HOGA1: variants seen among roughly 807,000 people sequenced by gnomAD.
HOGA1 encodes the protein 4-hydroxy-2-oxoglutarate aldolase, mitochondrial.
Under a neutral mutation model 34.3 loss-of-function variants are expected in HOGA1, and 30 were observed. The ratio of observed to expected loss-of-function variants is 0.87; its 90% CI spans 0.65 to 1.19. The LOEUF is 1.19. Among genes scored for constraint, HOGA1 ranks in the 50% most tolerant of loss-of-function variants. The pLI, the probability that HOGA1 is intolerant of heterozygous loss-of-function variation, is 0.00. For missense variants in HOGA1, 417 were observed against 436.5 expected (o/e 0.96, Z 0.40); for synonymous variants, 161 against 174.0 (o/e 0.93, Z 0.59).
In HOGA1 at chr10:97,602,038, T is replaced by A. The variant is rs978706868; in HGVS notation, c.834+48T>A. 1.1e-5 allele frequency: 18 copies of A among 1,579,100 alleles called. No individual in the cohort carries two copies. In the African/African-American group the frequency reaches 1.6e-4, roughly 14 times the overall value. On this transcript the variant is annotated intron_variant, in intron 6 of 6. Coordinates refer to ENST00000370646, the MANE Select transcript of HOGA1 (RefSeq NM_138413.4). Reference sequence around the variant, plus strand: ...GCGGCCTGGCGGGGGGTGGGCAGTCTGTGTCCTCATTGGAGCAGGACCCAG... The same window carrying A: ...GCGGCCTGGCGGGGGGTGGGCAGTCAGTGTCCTCATTGGAGCAGGACCCAG...
chr10:97,609,331 C>G (rs956351203), intron 6 of HOGA1, among the ~76,000 whole-genome samples: 4 of 152,152 alleles, frequency 2.6e-5, no homozygotes, highest in Non-Finnish European at 5.9e-5. Flanking sequence ...TGGGACGTCT[C>G]TATGGGGTAG....
rs1442466186 is a variant in HOGA1, at chr10:97,599,983, G to A, written c.604-84G>A. ...TCTTGAGGGCATCTCTTTGAGCACT[G>A]GGCTTTCATTCCACCACACTTACCC... On this transcript the variant is annotated intron_variant, in intron 4 of 6. Transcript: ENST00000370646. The A allele has an allele frequency of 1.6e-5, 24 of 1,489,174 alleles. No individual in the cohort carries two copies. In the South Asian group the frequency reaches 2.3e-4, roughly 14 times the overall value. The allele number at this position is 1,489,174 out of a possible 1,614,324, so 92.2% of individuals were successfully genotyped here.
chr10:97,606,886 A>G (rs1469808385), intron 6 of HOGA1, among the ~76,000 whole-genome samples: 1 of 152,114 alleles, frequency 6.6e-6, no homozygotes, highest in Non-Finnish European at 1.5e-5. Context: ...AACATGGTAC[A>G]TTTCTCTGTT....
rs267606762 is a variant in HOGA1, at chr10:97,598,852, C to T, written c.289C>T (p.Arg97Cys). The change falls in exon 2 of 7, where the codon CGC (arginine) becomes TGC (cysteine). Residue 97 changes from arginine (R) to cysteine (C), a missense_variant. Coordinates refer to ENST00000370646, the MANE Select transcript of HOGA1 (RefSeq NM_138413.4). Reference sequence around the variant, plus strand: ...GCGCCTCGAGGTGGTGAGCCGTGTGCGCCAGGCCATGCCCAAGAACAGGCT... The same window carrying T: ...GCGCCTCGAGGTGGTGAGCCGTGTGTGCCAGGCCATGCCCAAGAACAGGCT... Reference protein sequence around the residue: ...SERLEVVSRVRQAMPKNRLLL... With the variant: ...SERLEVVSRVCQAMPKNRLLL... 3.7e-5 allele frequency: 60 copies of T among 1,613,990 alleles called. No homozygotes were observed. In the Middle Eastern group the frequency reaches 4.9e-4, roughly 13 times the overall value.
chr10:97,611,081 G>A (rs2041191717), intron 6 of HOGA1, among the ~76,000 whole-genome samples: 1 of 152,174 alleles, frequency 6.6e-6, no homozygotes, highest in African/African-American at 2.4e-5. Flanking sequence ...TCTGGGCTGT[G>A]CCTGAGACTC....
rs1024150208 is a variant in HOGA1, at chr10:97,611,800, C to T, written c.*141C>T. The T allele has an allele frequency of 1.1e-5, 11 of 1,031,430 alleles. No individual in the cohort carries two copies. Among genetic ancestry groups the T allele is most frequent in the South Asian group, 2.9e-5 (2 of 68,518 alleles). 63.9% of individuals were successfully genotyped at this position (1,031,430 alleles called of 1,614,324 possible). On this transcript the variant is annotated 3_prime_UTR_variant, in exon 7 of 7. Transcript: ENST00000370646. ...GGCTCCTTTGCCTGCTGTGGTCCTC[C>T]AGGCAGCCTTTCACAGGCACGCCCA...
At chr10:97,593,597 G>T (rs1279999131) in intron 1 of HOGA1, among the ~76,000 whole-genome samples, 1 of 152,120 alleles carries the variant, frequency 6.6e-6, no homozygotes, top group Non-Finnish European at 1.5e-5. Flanking sequence ...AAAAAACTTT[G>T]GCCGCAGACC....
intron 1 of HOGA1, among the ~76,000 whole-genome samples, chr10:97,593,145 G>A (rs1002691781): frequency 6.6e-6 from 1 of 152,066 alleles, no homozygotes; most frequent in African/African-American, 2.4e-5. Context: ...TGGCTGGGAG[G>A]GTGGCTAATT....
In HOGA1 at chr10:97,599,710, C is replaced by T. The variant is rs748079911; in HGVS notation, c.499C>T (p.Leu167=). 1 of 1,614,178 alleles carries T rather than the reference C, an allele frequency of 6.2e-7. No individual in the cohort carries two copies. The highest frequency in any genetic ancestry group is 8.5e-7 in the Non-Finnish European group (1 of 1,180,034). Reference sequence around the variant, plus strand: ...TGATCTCTCTCCAATCCCTGTGGTGCTGTACAGTGTCCCAGCCAACACAGG... The same window carrying T: ...TGATCTCTCTCCAATCCCTGTGGTGTTGTACAGTGTCCCAGCCAACACAGG... ...VADLSPIPVV[L]YSVPANTGLD... The change falls in exon 4 of 7, where the codon CTG becomes TTG. Residue 167 remains leucine (L), a synonymous_variant. Transcript: ENST00000370646.
At chr10:97,605,564 G>A (rs1251244976) in intron 6 of HOGA1, among the ~76,000 whole-genome samples, 3 of 152,122 alleles carry the variant, frequency 2.0e-5, no homozygotes, top group Non-Finnish European at 4.4e-5. Context: ...TTTTTCTGCA[G>A]CTTTGCCAGC....
At chr10:97,593,678 T>A (rs1009515584) in intron 1 of HOGA1, among the ~76,000 whole-genome samples, 2 of 152,100 alleles carry the variant, frequency 1.3e-5, no homozygotes, top group Non-Finnish European at 2.9e-5. Flanking sequence ...TCAACACCTA[T>A]GCTAGGCACC....
In HOGA1 at chr10:97,603,442, G is replaced by A. The variant is rs2041134782; in HGVS notation, c.834+1452G>A. Among the ~76,000 whole-genome samples the A allele has an allele frequency of 6.6e-6, 1 of 151,826 alleles. No individual in the cohort carries two copies. The highest frequency in any genetic ancestry group is 1.5e-5 in the Non-Finnish European group (1 of 67,982). Reference sequence around the variant, plus strand: ...GGGGTCTCACTATGTTGCCTAGGCTGGTCTTTATCTCCTGGGCTCAAGCAG... The same window carrying A: ...GGGGTCTCACTATGTTGCCTAGGCTAGTCTTTATCTCCTGGGCTCAAGCAG... On this transcript the variant is annotated intron_variant, in intron 6 of 6. Coordinates refer to ENST00000370646, the MANE Select transcript of HOGA1 (RefSeq NM_138413.4). The surrounding 1 kb of genome is among the most constrained non-coding windows in gnomAD (Gnocchi z 4.5).
chr10:97,602,062 A>G (rs1294996800), intron 6 of HOGA1, 72 bp downstream of exon 6: 7 of 1,559,934 alleles, frequency 4.5e-6, no homozygotes. Flanking sequence ...AGCAGGACCC[A>G]GGGCTGGCAC....
At chr10:97,602,090 C>A (rs760384112) in intron 6 of HOGA1, 100 bp downstream of exon 6, 9 of 1,551,200 alleles carry the variant, frequency 5.8e-6, no homozygotes, top group East Asian at 2.4e-5. Flanking sequence ...CACTCAGTCT[C>A]TTCCTTTCAG....
rs376747234 is a variant in HOGA1, at chr10:97,599,810, G to T, written c.599G>T (p.Gly200Val). 6.2e-7 allele frequency: 1 copy of T among 1,614,216 alleles called. No homozygotes were observed. The highest frequency in any genetic ancestry group is 1.1e-5 in the South Asian group (1 of 91,084). ...PNIVGMKDSG[G>V]DVTRIGLIVH... The stretch of plus-strand genomic sequence containing the variant: ...ATTGTGGGCATGAAGGACAGCGGTG[G>T]TGATGTGAGTGGCAGCAGCTCCGGG... Residue 200 changes from glycine to valine, a missense_variant, in exon 4 of 7, where the codon GGT (glycine) becomes GTT (valine). Coordinates refer to ENST00000370646, the MANE Select transcript of HOGA1 (RefSeq NM_138413.4).
In HOGA1 at chr10:97,600,090, T is replaced by C; in HGVS notation, c.627T>C (p.Val209=). 1.2e-6 allele frequency: 2 copies of C among 1,614,120 alleles called. No individual in the cohort carries two copies. The highest frequency in any genetic ancestry group is 1.7e-6 in the Non-Finnish European group (2 of 1,180,000). The change falls in exon 5 of 7, where the codon GTT becomes GTC. Residue 209 remains valine, a synonymous_variant. Coordinates refer to ENST00000370646, the MANE Select transcript of HOGA1 (RefSeq NM_138413.4). ...GGDVTRIGLI[V]HKTRKQDFQV... ...AGGTGACCAGGATTGGGCTGATTGT[T>C]CACAAGACCAGGAAGCAGGATTTTC...
intron 1 of HOGA1, among the ~76,000 whole-genome samples, chr10:97,597,107 A>ATTT (rs757896641): frequency 7.2e-6 from 1 of 139,180 alleles, no homozygotes. Context: ...ATAGCCTCCA[A>ATTT]TTTTTTTTTT....
intron 1 of HOGA1, among the ~76,000 whole-genome samples, chr10:97,585,720 T>A (rs2040964839): frequency 6.6e-6 from 1 of 152,210 alleles, no homozygotes. Flanking sequence ...TGCTCCATTT[T>A]ACTCCCTCGC....
Position 97,607,666 on chromosome 10 carries a change from A to G in HOGA1, c.835-3844A>G, listed in dbSNP as rs999194032. 2.6e-5 allele frequency among the ~76,000 whole-genome samples: 4 copies of G among 152,118 alleles called. 1 individual carries two copies. In the South Asian group the frequency reaches 8.3e-4, roughly 31 times the overall value. On this transcript the variant is annotated intron_variant, in intron 6 of 6. Coordinates refer to ENST00000370646, the MANE Select transcript of HOGA1 (RefSeq NM_138413.4). The stretch of plus-strand genomic sequence containing the variant: ...TCTTTTATATAATGTCCAGATATAT[A>G]TATAATTTTTTATATAATGTCCAGA...
Sources: gnomAD v4.1 joint callset for allele counts (sites outside exome capture counted in the v4.1 genomes callset) on GRCh38, gnomAD v4.1.1 for gene constraint, Gnocchi (gnomAD v3.1) non-coding constraint, MANE v1.5 for transcripts, NCBI Gene and HGNC (gene_info 2026-07-23, HGNC 2026-07-21) for gene names.